The following SLC4A10 variants were observed in gnomAD, a reference collection of about 807,000 sequenced individuals.
SLC4A10 encodes solute carrier family 4 member 10, also known as sodium-driven chloride bicarbonate exchanger.
SLC4A10 carries 42 observed loss-of-function variants against 137.7 expected under a neutral mutation model. The observed-to-expected ratio is 0.30, with a 90% CI of 0.24 to 0.39. The LOEUF (loss-of-function observed/expected upper bound fraction) is 0.39, where lower values mean the gene tolerates loss of function less well. Ranked by LOEUF, SLC4A10 falls within the 10% of genes least tolerant of loss-of-function variation. The pLI, the probability that SLC4A10 is intolerant of heterozygous loss-of-function variation, is 1.00. For synonymous variants in SLC4A10, 474 were observed against 464.1 expected (o/e 1.02, Z -0.27); for missense variants, 925 against 1,355.0 (o/e 0.68, Z 4.98).
intron 3 of SLC4A10, among the ~76,000 whole-genome samples, chr2:161,836,427 GGC>G (rs1302892014): frequency 6.6e-6 from 1 of 151,778 alleles, no homozygotes; most frequent in East Asian, 1.9e-4. Flanking sequence ...GAACCTGGGA[GGC>G]AGAGGTTGTA....
intron 2 of SLC4A10, among the ~76,000 whole-genome samples, chr2:161,801,998 A>G (rs2055418798): frequency 6.6e-6 from 1 of 152,086 alleles, no homozygotes; most frequent in African/African-American, 2.4e-5. Context: ...AATAAATAGG[A>G]CCAGACACAT....
chr2:161,789,519 GA>G (rs151152212), intron 2 of SLC4A10, among the ~76,000 whole-genome samples: 14 of 145,690 alleles, frequency 9.6e-5, no homozygotes, highest in Middle Eastern at 3.5e-3. Context: ...CAGCCATCTT[GA>G]AAAAAAAAAG....
At chr2:161,841,043 A>C (rs1403246178) in intron 4 of SLC4A10, among the ~76,000 whole-genome samples, 1 of 152,062 alleles carries the variant, frequency 6.6e-6, no homozygotes, top group Non-Finnish European at 1.5e-5. Flanking sequence ...GACGTGCTTA[A>C]ATATATCATT....
At chr2:161,666,474 C>T (rs888121099) in intron 1 of SLC4A10, among the ~76,000 whole-genome samples, 1 of 151,620 alleles carries the variant, frequency 6.6e-6, no homozygotes, top group Non-Finnish European at 1.5e-5. Context: ...AAGGTATTAA[C>T]AGGGCCCAAT....
At chr2:161,659,762 C>T (rs756075418) in intron 1 of SLC4A10, among the ~76,000 whole-genome samples, 6 of 152,078 alleles carry the variant, frequency 3.9e-5, no homozygotes, top group Non-Finnish European at 5.9e-5. Flanking sequence ...AAATGCCCAT[C>T]AACTGATGAA....
chr2:161,976,993 A>G (rs533007699), intron 25 of SLC4A10, 117 bp downstream of exon 25: 113 of 580,856 alleles, frequency 1.9e-4, no homozygotes, highest in Non-Finnish European at 2.5e-4. Flanking sequence ...ATTCCAGAAA[A>G]TTCTTTCCAA....
intron 2 of SLC4A10, among the ~76,000 whole-genome samples, chr2:161,780,796 A>T (rs1411188685): frequency 6.6e-6 from 1 of 152,058 alleles, no homozygotes; most frequent in African/African-American, 2.4e-5. Flanking sequence ...TTGAGCCTGG[A>T]TAAAAATATT....
At chr2:161,710,854 G>T (rs1034583966) in intron 1 of SLC4A10, 3 of 271,968 alleles carry the variant, frequency 1.1e-5, no homozygotes, top group Non-Finnish European at 2.3e-5. Context: ...TATGAGGAAT[G>T]CAGAAAAGAA....
At chr2:161,957,298 A>T (rs1695833727) in intron 20 of SLC4A10, 58 bp downstream of exon 20, 1 of 1,530,200 alleles carries the variant, frequency 6.5e-7, no homozygotes, top group Non-Finnish European at 8.8e-7. Flanking sequence ...ATCATTTAAA[A>T]TTTTCATTTG....
At chr2:161,801,254 C>A (rs183039200) in intron 2 of SLC4A10, among the ~76,000 whole-genome samples, 101 of 151,956 alleles carry the variant, frequency 6.6e-4, no homozygotes, top group African/African-American at 2.1e-3. Context: ...CTACTTGTTT[C>A]TTCTTTATTT....
At chr2:161,904,956 T>C (rs779534969) in intron 14 of SLC4A10, 47 bp downstream of exon 14, 2 of 1,594,740 alleles carry the variant, frequency 1.3e-6, no homozygotes, top group Non-Finnish European at 1.7e-6. Context: ...CTTTTTTCTT[T>C]ACTGTATTTA....
Position 161,839,847 on chromosome 2 carries a change from C to T in SLC4A10, c.336C>T (p.His112=). 1 of 1,613,842 alleles carries T rather than the reference C, an allele frequency of 6.2e-7. No individual in the cohort carries two copies. The highest frequency in any genetic ancestry group is 8.5e-7 in the Non-Finnish European group (1 of 1,179,756). ...ILGTEDDDEE[H]IPHDLFTELD... ...GAACCGAGGATGATGACGAGGAACA[C>T]ATTCCTCATGACCTTTTCACAGAAC... The change falls in exon 4 of 27, where the codon CAC becomes CAT. Residue 112 remains histidine (H), a synonymous_variant. Transcript: ENST00000446997.
At chr2:161,945,232 ATATT>A (rs1693572811) in intron 16 of SLC4A10, among the ~76,000 whole-genome samples, 3 of 102,530 alleles carry the variant, frequency 2.9e-5, no homozygotes, top group African/African-American at 3.8e-5. Flanking sequence ...ATATATATAT[ATATT>A]TGTCAGTATC....
intron 8 of SLC4A10, among the ~76,000 whole-genome samples, chr2:161,874,538 A>G (rs1289480117): frequency 6.6e-6 from 1 of 152,206 alleles, no homozygotes; most frequent in East Asian, 1.9e-4. Flanking sequence ...AGTTAAAACT[A>G]TGGAAGAGTC....
intron 6 of SLC4A10, 65 bp downstream of exon 6, chr2:161,863,127 A>C: frequency 7.3e-7 from 1 of 1,370,452 alleles, no homozygotes; most frequent in African/African-American, 1.5e-5. Context: ...AAGCGCTTCT[A>C]AATCTTTTAA....
At chr2:161,846,610 A>G (rs1559378693) in intron 4 of SLC4A10, among the ~76,000 whole-genome samples, 1 of 152,298 alleles carries the variant, frequency 6.6e-6, no homozygotes, top group East Asian at 1.9e-4. Flanking sequence ...AAACTGATAC[A>G]TCCATCTTTA....
intron 19 of SLC4A10, among the ~76,000 whole-genome samples, chr2:161,952,044 T>C (rs1036569270): frequency 1.3e-5 from 2 of 152,182 alleles, no homozygotes; most frequent in Non-Finnish European, 2.9e-5. Flanking sequence ...AAGTAAGCCA[T>C]ATAATTATTA....
At chr2:161,768,495 T>C (rs1261071179) in intron 1 of SLC4A10, among the ~76,000 whole-genome samples, 1 of 152,056 alleles carries the variant, frequency 6.6e-6, no homozygotes, top group East Asian at 1.9e-4. Context: ...CTTTCTCTAG[T>C]GGATCTGGCC....
chr2:161,636,944 T>C (rs1231819999), intron 1 of SLC4A10, among the ~76,000 whole-genome samples: 1 of 150,682 alleles, frequency 6.6e-6, no homozygotes, highest in Non-Finnish European at 1.5e-5. Flanking sequence ...CTTGAACTAC[T>C]AGCCTCAGGC....
Sources: allele counts gnomAD v4.1 joint callset (sites outside exome capture counted in the v4.1 genomes callset), GRCh38; gene constraint gnomAD v4.1.1; transcripts MANE v1.5; gene names NCBI Gene and HGNC (gene_info 2026-07-23, HGNC 2026-07-21).